RBMS3: variants seen among roughly 807,000 people sequenced by gnomAD.
RBMS3 encodes the protein RNA-binding motif, single-stranded-interacting protein 3.
A neutral mutation model predicts 66.8 loss-of-function variants in RBMS3; 27 were observed. The ratio of observed to expected loss-of-function variants is 0.40; its 90% CI spans 0.30 to 0.56. The LOEUF (loss-of-function observed/expected upper bound fraction) is 0.56. Among genes scored for constraint, RBMS3 ranks in the 20% least tolerant of loss-of-function variants. The probability of loss-of-function intolerance (pLI) is 0.40; values close to 1 mark genes in which losing one functional copy is unlikely to be tolerated. For synonymous variants in RBMS3, 188 were observed against 183.0 expected (o/e 1.03, Z -0.22); for missense variants, 513 against 549.5 (o/e 0.93, Z 0.66).
intron 11 of RBMS3, among the ~76,000 whole-genome samples, chr3:29,941,581 A>G (rs2061395045): frequency 6.6e-6 from 1 of 151,838 alleles, no homozygotes; most frequent in Non-Finnish European, 1.5e-5. Flanking sequence ...GAGTCTTATA[A>G]ACAATAAATG....
chr3:29,973,019 T>G (rs1279178438), intron 12 of RBMS3, among the ~76,000 whole-genome samples: 1 of 152,068 alleles, frequency 6.6e-6, no homozygotes, highest in East Asian at 1.9e-4. Context: ...GTTTATGTGT[T>G]CATATTAGTT....
At chr3:29,806,914 G>A (rs7629996) in intron 6 of RBMS3, among the ~76,000 whole-genome samples, 50,207 of 151,632 alleles carry the variant, frequency 0.33, 8,720 homozygotes, top group Non-Finnish European at 0.39. Context: ...GGATTCTTTT[G>A]CCATATAGTG....
At chr3:29,717,197 A>G (rs1419883565) in intron 4 of RBMS3, among the ~76,000 whole-genome samples, 1 of 152,066 alleles carries the variant, frequency 6.6e-6, no homozygotes, top group Non-Finnish European at 1.5e-5. Flanking sequence ...AAATATAAGT[A>G]TTAAAGGTAA....
chr3:29,728,309 C>T (rs1265003049), intron 4 of RBMS3, among the ~76,000 whole-genome samples: 1 of 152,148 alleles, frequency 6.6e-6, no homozygotes, highest in Non-Finnish European at 1.5e-5. Context: ...GCCACCATGG[C>T]TCATGTATAC....
At chr3:29,884,133 G>A (rs1346900951) in intron 7 of RBMS3, 29 bp from the exon 8 acceptor site, 1 of 1,597,274 alleles carries the variant, frequency 6.3e-7, no homozygotes, top group Admixed American at 1.7e-5. Context: ...GTTAAGATTT[G>A]TTTTCTTCCC....
At chr3:29,891,061 C>G (rs1430421052) in intron 8 of RBMS3, among the ~76,000 whole-genome samples, 1 of 151,546 alleles carries the variant, frequency 6.6e-6, no homozygotes, top group Non-Finnish European at 1.5e-5. Context: ...TAACAGTAAA[C>G]TAAGCCATAG....
At chr3:29,334,690 A>T (rs2035848737) in intron 1 of RBMS3, among the ~76,000 whole-genome samples, 2 of 152,192 alleles carry the variant, frequency 1.3e-5, no homozygotes, top group South Asian at 4.1e-4. Flanking sequence ...AAGTCAGGAC[A>T]TGTCGTTGTT....
intron 4 of RBMS3, among the ~76,000 whole-genome samples, chr3:29,660,773 C>A (rs917184637): frequency 1.3e-5 from 2 of 152,198 alleles, no homozygotes; most frequent in African/African-American, 4.8e-5. Context: ...ATTCCCTATA[C>A]ATGCAGTTTC....
chr3:29,570,509 A>ACTGT (rs1167000330), intron 3 of RBMS3, among the ~76,000 whole-genome samples: 13 of 151,942 alleles, frequency 8.6e-5, no homozygotes, highest in Non-Finnish European at 1.8e-4. Context: ...CCATCCTTCT[A>ACTGT]CTGTCTATCT....
At chr3:29,971,893 A>C (rs1559850259) in intron 12 of RBMS3, among the ~76,000 whole-genome samples, 1 of 152,136 alleles carries the variant, frequency 6.6e-6, no homozygotes, top group Non-Finnish European at 1.5e-5. Context: ...ATTAAAAAAA[A>C]AGTTTGAACA....
chr3:29,698,820 GA>G (rs2052397476), intron 4 of RBMS3, among the ~76,000 whole-genome samples: 1 of 151,898 alleles, frequency 6.6e-6, no homozygotes, highest in South Asian at 2.1e-4. Context: ...TTTGTTGTAC[GA>G]AAAATTTATA....
At chr3:29,376,779 G>C (rs539848619) in intron 1 of RBMS3, among the ~76,000 whole-genome samples, 1 of 152,258 alleles carries the variant, frequency 6.6e-6, no homozygotes, top group South Asian at 2.1e-4. Flanking sequence ...GGTGGCGGGC[G>C]CCTGTAGTCC....
At chr3:29,637,360 A>G (rs541860060) in intron 4 of RBMS3, among the ~76,000 whole-genome samples, 5 of 151,830 alleles carry the variant, frequency 3.3e-5, no homozygotes, top group Non-Finnish European at 7.4e-5. Context: ...ACCACCTCCG[A>G]AAGATGCAGC....
rs1240291574 is a variant in RBMS3 at position 29,315,510 on chromosome 3, A to G, written c.75+33754A>G. ...TAGCTACACATATATACAAAAATAT[A>G]ATTTCCAAGAAAACTGTAAGGCTAG... On this transcript the variant is annotated intron_variant, in intron 1 of 14. Transcript: ENST00000383767. Among the ~76,000 whole-genome samples the G allele has an allele frequency of 4.0e-5, 6 of 151,746 alleles. No homozygotes were observed. The Admixed American group carries it at 4.0e-4, about 10-fold the overall frequency.
chr3:29,504,487 A>C (rs1045537655), intron 3 of RBMS3, among the ~76,000 whole-genome samples: 1 of 152,092 alleles, frequency 6.6e-6, no homozygotes, highest in African/African-American at 2.4e-5. Context: ...GAAAATTAAA[A>C]ATTAAAAAAG....
At chr3:29,799,878 G>A (rs945800898) in intron 6 of RBMS3, among the ~76,000 whole-genome samples, 3 of 152,150 alleles carry the variant, frequency 2.0e-5, no homozygotes, top group Non-Finnish European at 2.9e-5. Flanking sequence ...CCCATTGGGA[G>A]CTTTAGTTAT....
chr3:29,312,010 G>C (rs1253967573), intron 1 of RBMS3, among the ~76,000 whole-genome samples: 2 of 151,742 alleles, frequency 1.3e-5, no homozygotes, highest in East Asian at 3.9e-4. Flanking sequence ...GAAAAAGAAA[G>C]GGCTCTATAA....
intron 2 of RBMS3, among the ~76,000 whole-genome samples, chr3:29,442,053 T>A (rs2041643880): frequency 1.3e-5 from 2 of 152,206 alleles, no homozygotes; most frequent in African/African-American, 4.8e-5. Flanking sequence ...TTTTCAAGGA[T>A]GTCCTTGGAA....
rs549892137 is a variant in RBMS3 at position 29,898,358 on chromosome 3, T to C, written c.888+883T>C. On this transcript the variant is annotated intron_variant, in intron 9 of 14. Transcript: ENST00000383767. ...CAAGCGTGTGTATGCATGTGCTTCTTGAATTTTGCAGCTGGTGGGGGTGGA... is the reference window on the plus strand; with the variant it reads ...CAAGCGTGTGTATGCATGTGCTTCTCGAATTTTGCAGCTGGTGGGGGTGGA... Among the ~76,000 whole-genome samples, 5 of 151,722 alleles carry C rather than the reference T, an allele frequency of 3.3e-5. No homozygotes were observed. The South Asian group carries it at 1.0e-3, about 31-fold the overall frequency.
Sources: allele counts gnomAD v4.1 joint callset (sites outside exome capture counted in the v4.1 genomes callset), GRCh38; gene constraint gnomAD v4.1.1; transcripts MANE v1.5; gene names NCBI Gene and HGNC (gene_info 2026-07-23, HGNC 2026-07-21).